The following SLC24A2 variants were observed in gnomAD, a reference collection of about 807,000 sequenced individuals.
SLC24A2 encodes sodium/potassium/calcium exchanger 2.
Under a neutral mutation model 62.0 loss-of-function variants are expected in SLC24A2, and 36 were observed. That is an observed-to-expected ratio of 0.58 (90% CI 0.44 to 0.77). The LOEUF is 0.77. Among genes scored for constraint, SLC24A2 ranks in the 30% least tolerant of loss-of-function variants. The pLI is 0.00. For missense variants in SLC24A2, 846 were observed against 817.9 expected, an observed-to-expected ratio of 1.03 and a Z score of -0.42; for synonymous variants, 358 against 294.0, an observed-to-expected ratio of 1.22 and a Z score of -2.23.
intron 2 of SLC24A2, among the ~76,000 whole-genome samples, chr9:19,641,329 A>C (rs1818487031): frequency 6.6e-6 from 1 of 152,202 alleles, no homozygotes; most frequent in South Asian, 2.1e-4. Context: ...TCCTCCAAAC[A>C]TGCATATCCA....
At chr9:19,859,445 G>T in the SLC24A2 span, among the ~76,000 whole-genome samples, 1 of 152,116 alleles carries the variant, frequency 6.6e-6, no homozygotes, top group South Asian at 2.1e-4. Flanking sequence ...AAACCCCCAA[G>T]ACATGCAGTT....
At chr9:20,098,591 G>T in the SLC24A2 span, among the ~76,000 whole-genome samples, 1 of 152,122 alleles carries the variant, frequency 6.6e-6, no homozygotes, top group Non-Finnish European at 1.5e-5. Flanking sequence ...AGACCTAAAG[G>T]CCTTTGGTCA....
the SLC24A2 span, among the ~76,000 whole-genome samples, chr9:19,797,735 C>G: frequency 1.3e-5 from 2 of 152,204 alleles, no homozygotes; most frequent in African/African-American, 4.8e-5. Context: ...GTAGCTTACC[C>G]TTATCTTCAG....
chr9:19,805,007 C>T, the SLC24A2 span, among the ~76,000 whole-genome samples: 2 of 152,198 alleles, frequency 1.3e-5, no homozygotes, highest in South Asian at 4.1e-4. Flanking sequence ...CTTCCTTTAA[C>T]TTTACAAGAA....
the SLC24A2 span, among the ~76,000 whole-genome samples, chr9:19,938,200 T>C: frequency 6.6e-6 from 1 of 152,134 alleles, no homozygotes; most frequent in Non-Finnish European, 1.5e-5. Context: ...GTATAACCCA[T>C]CATTTTGGTG....
At chr9:19,564,849 G>C (rs554832797) in intron 7 of SLC24A2, among the ~76,000 whole-genome samples, 87 of 152,276 alleles carry the variant, frequency 5.7e-4, no homozygotes, top group African/African-American at 2.0e-3. Flanking sequence ...GTTTTGATGT[G>C]TCACAGCAGC....
At chr9:19,782,168 T>G (rs1823036429) in intron 2 of SLC24A2, among the ~76,000 whole-genome samples, 1 of 152,198 alleles carries the variant, frequency 6.6e-6, no homozygotes, top group African/African-American at 2.4e-5. Flanking sequence ...GGACAGCTGC[T>G]TTCTAGGCCA....
At chr9:19,562,455 C>T (rs910650028) in intron 7 of SLC24A2, among the ~76,000 whole-genome samples, 6 of 152,170 alleles carry the variant, frequency 3.9e-5, no homozygotes, top group African/African-American at 4.8e-5. Flanking sequence ...AGATTCTCAG[C>T]GAATATATAA....
chr9:20,302,551 T>A, the SLC24A2 span, among the ~76,000 whole-genome samples: 1 of 152,224 alleles, frequency 6.6e-6, no homozygotes, highest in African/African-American at 2.4e-5. Context: ...TCTGTTGAGA[T>A]CTTTGGCTTA....
chr9:19,968,233 A>C, the SLC24A2 span, among the ~76,000 whole-genome samples: 2 of 152,204 alleles, frequency 1.3e-5, no homozygotes, highest in Admixed American at 1.3e-4. Context: ...TCATCTGAGC[A>C]CACCAGGGAG....
intron 2 of SLC24A2, among the ~76,000 whole-genome samples, chr9:19,678,505 C>G (rs749824807): frequency 6.6e-6 from 1 of 152,104 alleles, no homozygotes; most frequent in Non-Finnish European, 1.5e-5. Context: ...CTAGTGTAAC[C>G]CTTTATTTTT....
intron 2 of SLC24A2, among the ~76,000 whole-genome samples, chr9:19,702,188 G>T (rs1820375634): frequency 6.6e-6 from 1 of 152,210 alleles, no homozygotes; most frequent in South Asian, 2.1e-4. Flanking sequence ...ATGATGATTT[G>T]AAGGACAGTA....
At chr9:19,605,193 C>T (rs1204768429) in intron 4 of SLC24A2, among the ~76,000 whole-genome samples, 1 of 152,212 alleles carries the variant, frequency 6.6e-6, no homozygotes, top group Non-Finnish European at 1.5e-5. Context: ...CCCCAAGTGA[C>T]ACCCAAAGGG....
chr9:20,263,873 C>CG, the SLC24A2 span, among the ~76,000 whole-genome samples: 2 of 125,924 alleles, frequency 1.6e-5, no homozygotes, highest in East Asian at 6.3e-4. Flanking sequence ...CCCCCCCCCC[C>CG]CATTAAGGCT....
chr9:20,179,150 G>A, the SLC24A2 span, among the ~76,000 whole-genome samples: 1 of 152,158 alleles, frequency 6.6e-6, no homozygotes, highest in African/African-American at 2.4e-5. Context: ...GCAGCTGGAA[G>A]AGAAGACCGT....
At chr9:20,212,069 C>G in the SLC24A2 span, among the ~76,000 whole-genome samples, 32 of 148,506 alleles carry the variant, frequency 2.2e-4, no homozygotes, top group African/African-American at 8.4e-4. Flanking sequence ...TTCCCTATTA[C>G]AAAAGAATTC....
chr9:20,015,052 T>C, the SLC24A2 span, among the ~76,000 whole-genome samples: 1 of 152,032 alleles, frequency 6.6e-6, no homozygotes. Context: ...TAAAAAGAAA[T>C]AAACAAAAAA....
At chr9:20,271,911 C>T in the SLC24A2 span, among the ~76,000 whole-genome samples, 1 of 152,118 alleles carries the variant, frequency 6.6e-6, no homozygotes, top group African/African-American at 2.4e-5. Context: ...GGTGCTATGC[C>T]ACCTAATGGC....
chr9:20,049,872 G>A, the SLC24A2 span, among the ~76,000 whole-genome samples: 1 of 151,958 alleles, frequency 6.6e-6, no homozygotes, highest in Admixed American at 6.6e-5. Context: ...GAACAGACAT[G>A]GCCACTCAGG....
Sources: gnomAD v4.1 joint callset for allele counts (sites outside exome capture counted in the v4.1 genomes callset) on GRCh38, gnomAD v4.1.1 for gene constraint, MANE v1.5 for transcripts, NCBI Gene and HGNC (gene_info 2026-07-23, HGNC 2026-07-21) for gene names.